SLC38A9: variants seen among roughly 807,000 people sequenced by gnomAD.
SLC38A9 encodes neutral amino acid transporter 9.
A neutral mutation model predicts 62.3 loss-of-function variants in SLC38A9; 48 were observed. The ratio of observed to expected loss-of-function variants is 0.77; its 90% CI spans 0.61 to 0.98. SLC38A9 has a LOEUF of 0.98. Ranked by LOEUF, SLC38A9 falls within the 50% of genes least tolerant of loss-of-function variation. SLC38A9 has a pLI of 0.00. For synonymous variants in SLC38A9, 204 were observed against 227.7 expected (o/e 0.90, Z 0.94); for missense variants, 541 against 679.8 (o/e 0.80, Z 2.27).
At chr5:55,636,621 C>A (rs1167874583) in intron 12 of SLC38A9, among the ~76,000 whole-genome samples, 1 of 152,176 alleles carries the variant, frequency 6.6e-6, no homozygotes, top group Non-Finnish European at 1.5e-5. Context: ...TATTAGGGAA[C>A]ATTTCTGACT....
rs1015774471 is a variant in SLC38A9 at position 55,701,151 on chromosome 5, G to A, written c.-34-3159C>T. ...TGTGTCTACCATATTAGACAGTATA[G>A]ACATAAACATTTTTCCATCATTGTA... On this transcript the variant is annotated intron_variant, in intron 2 of 15. Coordinates refer to ENST00000396865, the MANE Select transcript of SLC38A9 (RefSeq NM_173514.4). Among the ~76,000 whole-genome samples the A allele has an allele frequency of 9.2e-5, 14 of 152,220 alleles. 2 individuals are homozygous for A. The highest frequency in any genetic ancestry group is 6.8e-3 in the Middle Eastern group (2 of 294).
intron 2 of SLC38A9, among the ~76,000 whole-genome samples, chr5:55,707,314 T>C (rs1002037013): frequency 6.6e-5 from 10 of 152,210 alleles, no homozygotes; most frequent in African/African-American, 2.4e-4. Context: ...GAATAGTTTA[T>C]CAATGATTAA....
rs115844354 is a variant in SLC38A9, at chr5:55,699,159, G to A, written c.-34-1167C>T. On this transcript the variant is annotated intron_variant, in intron 2 of 15. Transcript: ENST00000396865. ...AATCCCAGTTACTTGAAAGGCTGAG[G>A]TAGGAGAATAGCTTGAACCCAGGAG... 5.7e-3 allele frequency among the ~76,000 whole-genome samples: 874 copies of A among 152,228 alleles called. 8 individuals are homozygous for A. The highest frequency in any genetic ancestry group is 0.02 in the African/African-American group (815 of 41,532).
intron 8 of SLC38A9, among the ~76,000 whole-genome samples, chr5:55,663,037 G>C (rs1749873778): frequency 6.6e-6 from 1 of 151,900 alleles, no homozygotes; most frequent in South Asian, 2.1e-4. Flanking sequence ...TGGGATTATA[G>C]GCATGTGCCA....
intron 14 of SLC38A9, among the ~76,000 whole-genome samples, chr5:55,631,241 G>A (rs1743387273): frequency 6.6e-6 from 1 of 152,082 alleles, no homozygotes; most frequent in Non-Finnish European, 1.5e-5. Context: ...ATTTTTAAGA[G>A]CATAAAGGGT....
intron 3 of SLC38A9, chr5:55,692,535 A>G (rs1754890500): frequency 1.4e-6 from 1 of 707,700 alleles, no homozygotes; most frequent in Admixed American, 6.3e-5. Context: ...CCACAAGCAA[A>G]TTAGCATTTA....
intron 2 of SLC38A9, among the ~76,000 whole-genome samples, chr5:55,708,517 A>G: frequency 6.6e-6 from 1 of 152,240 alleles, no homozygotes; most frequent in Non-Finnish European, 1.5e-5. Flanking sequence ...TTCTTTGCAA[A>G]AATAAATCTA....
rs192378742 is a variant in SLC38A9, at chr5:55,651,237, C to T, written c.952+1292G>A. The stretch of plus-strand genomic sequence containing the variant: ...GATCTGAACTTTCACTGGGGGGGTT[C>T]CTTTTGCCATCTTTTTTTTTTTTTT... On this transcript the variant is annotated intron_variant, in intron 10 of 15. Transcript: ENST00000396865. 9.6e-5 allele frequency among the ~76,000 whole-genome samples: 12 copies of T among 125,054 alleles called. No homozygotes were observed. The East Asian group carries it at 2.5e-3, about 26-fold the overall frequency. The allele number at this position is 125,054 out of a possible 152,430, so 82.0% of individuals were successfully genotyped here.
At chr5:55,702,058 T>C (rs975816768) in intron 2 of SLC38A9, among the ~76,000 whole-genome samples, 1 of 152,230 alleles carries the variant, frequency 6.6e-6, no homozygotes, top group African/African-American at 2.4e-5. Flanking sequence ...TGTCCACTTT[T>C]CTTAATTTTC....
At chr5:55,656,994 G>A (rs929085270) in intron 8 of SLC38A9, among the ~76,000 whole-genome samples, 1 of 151,988 alleles carries the variant, frequency 6.6e-6, no homozygotes, top group Non-Finnish European at 1.5e-5. Flanking sequence ...CCGAGTAGCT[G>A]GGACTACAAG....
At chr5:55,690,790 G>A (rs937829645) in intron 3 of SLC38A9, among the ~76,000 whole-genome samples, 25 of 152,070 alleles carry the variant, frequency 1.6e-4, no homozygotes, top group African/African-American at 6.0e-4. Flanking sequence ...TTTGTAAAGT[G>A]CTAAGAGGAC....
intron 2 of SLC38A9, among the ~76,000 whole-genome samples, chr5:55,699,623 TATAAA>T (rs1240930226): frequency 6.6e-6 from 1 of 151,912 alleles, no homozygotes; most frequent in African/African-American, 2.4e-5. Context: ...GAAATAAAAA[TATAAA>T]ATAATGTTTC....
Position 55,672,794 on chromosome 5 carries a change from A to G in SLC38A9, c.114-99T>C, listed in dbSNP as rs1329051922. 4 of 1,225,376 alleles carry G rather than the reference A, an allele frequency of 3.3e-6. No homozygotes were observed. The East Asian group carries it at 9.7e-5, about 30-fold the overall frequency. 75.9% of individuals were successfully genotyped at this position (1,225,376 alleles called of 1,614,324 possible). On this transcript the variant is annotated intron_variant, in intron 3 of 15. Coordinates refer to ENST00000396865, the MANE Select transcript of SLC38A9 (RefSeq NM_173514.4). ...CTTCTTATCCTCCATTAGTAATGGG[A>G]TGCACAAAGGCAAGGCATTGACTTC...
intron 3 of SLC38A9, chr5:55,692,662 T>C (rs766345567): frequency 5.6e-5 from 55 of 985,178 alleles, no homozygotes; most frequent in African/African-American, 4.9e-4. Context: ...AGAAAATATA[T>C]TGCCATTTAA....
At chr5:55,701,215 T>C (rs990911191) in intron 2 of SLC38A9, among the ~76,000 whole-genome samples, 1 of 152,242 alleles carries the variant, frequency 6.6e-6, no homozygotes, top group Non-Finnish European at 1.5e-5. Context: ...ATTTCCACAC[T>C]AATATCTCTA....
At chr5:55,641,718 A>T (rs1354251544) in intron 12 of SLC38A9, among the ~76,000 whole-genome samples, 1 of 152,252 alleles carries the variant, frequency 6.6e-6, no homozygotes, top group South Asian at 2.1e-4. Context: ...GAGTTAACAC[A>T]ACTATCTGCT....
At chr5:55,661,435 A>G (rs2150273543) in intron 8 of SLC38A9, among the ~76,000 whole-genome samples, 1 of 123,450 alleles carries the variant, frequency 8.1e-6, no homozygotes, top group South Asian at 3.0e-4. Flanking sequence ...ACAGAGCAAG[A>G]CTCCGTCTCA....
chr5:55,687,165 C>A (rs540094421), intron 3 of SLC38A9, among the ~76,000 whole-genome samples: 1,657 of 147,578 alleles, frequency 0.011, 11 homozygotes, highest in Non-Finnish European at 0.02. Context: ...CTAGGCCGGG[C>A]GCGGTGGCTC....
chr5:55,664,278 T>C (rs1306752147), intron 8 of SLC38A9, among the ~76,000 whole-genome samples: 1 of 152,170 alleles, frequency 6.6e-6, no homozygotes, highest in Non-Finnish European at 1.5e-5. Flanking sequence ...TTCTGTGATA[T>C]GTAAATATTA....
Sources: allele counts gnomAD v4.1 joint callset (sites outside exome capture counted in the v4.1 genomes callset), GRCh38; gene constraint gnomAD v4.1.1; transcripts MANE v1.5; gene names NCBI Gene and HGNC (gene_info 2026-07-23, HGNC 2026-07-21).